Variants in CDH13 observed in about 807,000 individuals in gnomAD.
The protein encoded by CDH13 is cadherin-13.
CDH13 carries 24 observed loss-of-function variants against 63.8 expected under a neutral mutation model. The ratio of observed to expected loss-of-function variants is 0.38; its 90% CI spans 0.27 to 0.53. The LOEUF is 0.53. Among genes scored for constraint, CDH13 ranks in the 20% least tolerant of loss-of-function variants. The probability of loss-of-function intolerance (pLI) is 0.85; values close to 1 mark genes in which losing one functional copy is unlikely to be tolerated. For synonymous variants in CDH13, 503 were observed against 355.3 expected (o/e 1.42, Z -4.67); for missense variants, 1,049 against 903.1 (o/e 1.16, Z -2.07).
intron 6 of CDH13, among the ~76,000 whole-genome samples, chr16:83,431,920 C>T (rs1423953535): frequency 6.6e-6 from 1 of 152,134 alleles, no homozygotes; most frequent in Non-Finnish European, 1.5e-5. Flanking sequence ...GGAATTTTTG[C>T]AGTGATACAT....
At chr16:83,504,778 G>C (rs1221647517) in intron 7 of CDH13, among the ~76,000 whole-genome samples, 1 of 152,198 alleles carries the variant, frequency 6.6e-6, no homozygotes, top group East Asian at 1.9e-4. Context: ...GACAAGAGTA[G>C]TGGCTTCAAG....
chr16:82,995,699 A>T (rs577591812), intron 2 of CDH13, among the ~76,000 whole-genome samples: 1 of 152,166 alleles, frequency 6.6e-6, no homozygotes, highest in African/African-American at 2.4e-5. Flanking sequence ...AATAGATGTG[A>T]TACTTCTCCC....
At chr16:83,622,686 T>A (rs1029156352) in intron 8 of CDH13, among the ~76,000 whole-genome samples, 1 of 152,248 alleles carries the variant, frequency 6.6e-6, no homozygotes, top group African/African-American at 2.4e-5. Flanking sequence ...CCGCTCTCGC[T>A]ACATAACAAT....
intron 2 of CDH13, among the ~76,000 whole-genome samples, chr16:82,923,110 G>A (rs138978166): frequency 3.0e-4 from 46 of 152,222 alleles, no homozygotes; most frequent in African/African-American, 9.6e-4. Context: ...GAAAAATGGC[G>A]CCAATAGACT....
rs146429851 is a variant in CDH13 at position 82,921,738 on chromosome 16, G to A, written c.157+63265G>A. Among the ~76,000 whole-genome samples, 341 of 152,186 alleles carry A rather than the reference G, an allele frequency of 2.2e-3. 1 individual carries two copies. The highest frequency in any genetic ancestry group is 7.9e-3 in the African/African-American group (327 of 41,534). The stretch of plus-strand genomic sequence containing the variant: ...ATCTTTAAATGGCTTTGGTAGTAAT[G>A]TAATAATGTAATAGTGGCCTCATAG... On this transcript the variant is annotated intron_variant, in intron 2 of 13. Coordinates refer to ENST00000567109, the MANE Select transcript of CDH13 (RefSeq NM_001257.5).
At chr16:83,770,759 C>T (rs1210272305) in intron 11 of CDH13, among the ~76,000 whole-genome samples, 2 of 152,138 alleles carry the variant, frequency 1.3e-5, no homozygotes, top group Non-Finnish European at 2.9e-5. Flanking sequence ...GTGAGGACCA[C>T]GAGAGGTCAC....
At chr16:83,637,322 GAGCT>G (rs1181023489) in intron 8 of CDH13, among the ~76,000 whole-genome samples, 3 of 366 alleles carry the variant, frequency 8.2e-3, no homozygotes, top group East Asian at 0.5. Context: ...CTCCCAGCGT[GAGCT>G]ACGCAGAAGA....
chr16:83,238,933 C>T (rs1434470747), intron 5 of CDH13, among the ~76,000 whole-genome samples: 2 of 152,124 alleles, frequency 1.3e-5, no homozygotes, highest in African/African-American at 4.8e-5. Flanking sequence ...GGGCTAAGAG[C>T]AGAGTTTGGG....
At chr16:82,913,456 C>G (rs1213726598) in intron 2 of CDH13, among the ~76,000 whole-genome samples, 2 of 152,078 alleles carry the variant, frequency 1.3e-5, no homozygotes, top group African/African-American at 4.8e-5. Flanking sequence ...TTACCCTGGA[C>G]TGTAATTAAA....
chr16:83,089,957 A>T lies in CDH13; in HGVS notation c.367-35428A>T, dbSNP rs571256366. 2.0e-5 allele frequency among the ~76,000 whole-genome samples: 3 copies of T among 152,318 alleles called. No homozygotes were observed. In the East Asian group the frequency reaches 5.8e-4, roughly 29 times the overall value. Reference sequence around the variant, plus strand: ...GAGGACCATACTTTGCATAGCAAGAAATGAGAACAGTCCAGGAGCCTCTAA... The same window carrying T: ...GAGGACCATACTTTGCATAGCAAGATATGAGAACAGTCCAGGAGCCTCTAA... On this transcript the variant is annotated intron_variant, in intron 3 of 13. Transcript: ENST00000567109.
intron 10 of CDH13, among the ~76,000 whole-genome samples, chr16:83,708,683 A>G (rs1165379233): frequency 1.3e-5 from 2 of 152,188 alleles, no homozygotes; most frequent in African/African-American, 2.4e-5. Flanking sequence ...TCTTTAGACG[A>G]CCTTAGATCA....
chr16:82,710,690 G>A, intron 1 of CDH13, among the ~76,000 whole-genome samples: 1 of 141,836 alleles, frequency 7.1e-6, no homozygotes, highest in Admixed American at 7.2e-5. Context: ...TTATATATTT[G>A]TATATTTATA....
intron 3 of CDH13, among the ~76,000 whole-genome samples, chr16:83,103,869 C>A (rs1283144859): frequency 1.3e-5 from 2 of 152,144 alleles, no homozygotes; most frequent in Non-Finnish European, 2.9e-5. Context: ...AAAAAATTTT[C>A]CTACTTGTAA....
chr16:82,674,393 G>T (rs1435568198), intron 1 of CDH13, among the ~76,000 whole-genome samples: 1 of 152,190 alleles, frequency 6.6e-6, no homozygotes, highest in African/African-American at 2.4e-5. Flanking sequence ...TATTTGAAAT[G>T]AATGTGAGAT....
At chr16:83,606,861 C>A (rs1365264074) in intron 8 of CDH13, among the ~76,000 whole-genome samples, 1 of 152,116 alleles carries the variant, frequency 6.6e-6, no homozygotes, top group Non-Finnish European at 1.5e-5. Flanking sequence ...AGGGTCACTG[C>A]AGCACCAGGT....
intron 10 of CDH13, among the ~76,000 whole-genome samples, chr16:83,701,012 C>T (rs767126705): frequency 1.3e-5 from 2 of 152,104 alleles, no homozygotes; most frequent in South Asian, 2.1e-4. Context: ...AGTGTGGAGT[C>T]GAGACTCTGA....
chr16:83,106,153 A>C (rs13329881), intron 3 of CDH13, among the ~76,000 whole-genome samples: 9,850 of 152,298 alleles, frequency 0.065, 1,044 homozygotes, highest in African/African-American at 0.22. Context: ...AGGAATTCTC[A>C]TTACAGAAAA....
chr16:83,393,389 G>A (rs1161869817), intron 6 of CDH13, among the ~76,000 whole-genome samples: 2 of 152,204 alleles, frequency 1.3e-5, no homozygotes, highest in African/African-American at 4.8e-5. Context: ...TGGATGACTG[G>A]CTCAGGAGAG....
intron 6 of CDH13, among the ~76,000 whole-genome samples, chr16:83,398,850 T>C (rs963009209): frequency 6.6e-6 from 1 of 152,242 alleles, no homozygotes; most frequent in Non-Finnish European, 1.5e-5. Context: ...TTAAGCCAGA[T>C]GCATAGCTCT....
Sources: gnomAD v4.1 joint callset for allele counts (sites outside exome capture counted in the v4.1 genomes callset) on GRCh38, gnomAD v4.1.1 for gene constraint, MANE v1.5 for transcripts, NCBI Gene and HGNC (gene_info 2026-07-23, HGNC 2026-07-21) for gene names.